The following GPM6A variants were observed in gnomAD, a reference collection of about 807,000 sequenced individuals.
The protein encoded by GPM6A is neuronal membrane glycoprotein M6-a.
In GPM6A, 7 loss-of-function variants were observed where a neutral mutation model predicts 32.1. The ratio of observed to expected loss-of-function variants is 0.22; its 90% CI spans 0.12 to 0.41. The LOEUF is 0.41. GPM6A is among the 10% of genes least tolerant of loss of function. GPM6A has a pLI of 1.00. For missense variants in GPM6A, 235 were observed against 347.2 expected (o/e 0.68, Z 2.57); for synonymous variants, 130 against 123.4 (o/e 1.05, Z -0.35).
At chr4:175,877,113 G>T (rs1278921350) in intron 1 of GPM6A, among the ~76,000 whole-genome samples, 2 of 152,172 alleles carry the variant, frequency 1.3e-5, no homozygotes, top group East Asian at 3.9e-4. Context: ...ATGTCCAGTG[G>T]TGAGGTTCAA....
chr4:175,706,101 C>A (rs542747334), intron 1 of GPM6A, among the ~76,000 whole-genome samples: 9 of 152,022 alleles, frequency 5.9e-5, no homozygotes, highest in Non-Finnish European at 1.3e-4. Context: ...TCAACACACC[C>A]TCTGAAACAT....
chr4:175,803,260 C>T (rs774422596), intron 1 of GPM6A, among the ~76,000 whole-genome samples: 6 of 151,726 alleles, frequency 4.0e-5, no homozygotes, highest in South Asian at 2.1e-4. Context: ...CATGAACAAA[C>T]GATAAAAACT....
intron 1 of GPM6A, among the ~76,000 whole-genome samples, chr4:175,998,226 T>C (rs1225230306): frequency 6.6e-6 from 1 of 152,110 alleles, no homozygotes; most frequent in Non-Finnish European, 1.5e-5. Context: ...TGATCTCGGC[T>C]CACTGCAACC....
chr4:175,637,251 T>A lies in GPM6A; in HGVS notation c.685-2194A>T, dbSNP rs1056095421. On this transcript the variant is annotated intron_variant, in intron 6 of 6. Transcript: ENST00000393658. Reference sequence around the variant, plus strand: ...TAAAATATATATTATATATTATATATAATATAAAATATATATTATATATTA... The same window carrying A: ...TAAAATATATATTATATATTATATAAAATATAAAATATATATTATATATTA... 1.0e-4 allele frequency among the ~76,000 whole-genome samples: 7 copies of A among 67,856 alleles called. 1 individual carries two copies. The highest frequency in any genetic ancestry group is 3.9e-4 in the African/African-American group (7 of 18,178). 44.5% of individuals were successfully genotyped at this position (67,856 alleles called of 152,430 possible).
intron 1 of GPM6A, chr4:175,872,784 T>A (rs1255733307): frequency 5.3e-5 from 8 of 152,182 alleles, no homozygotes; most frequent in African/African-American, 1.9e-4. Context: ...AATTAACATG[T>A]AGACAGATGG....
chr4:175,711,457 T>TACACACAC (rs763949633), intron 1 of GPM6A, among the ~76,000 whole-genome samples: 13 of 28,008 alleles, frequency 4.6e-4, no homozygotes, highest in African/African-American at 9.2e-4. Context: ...TATATATATA[T>TACACACAC]ACACACACAT....
intron 1 of GPM6A, among the ~76,000 whole-genome samples, chr4:175,751,647 G>A (rs1055890994): frequency 1.4e-4 from 21 of 152,052 alleles, no homozygotes; most frequent in African/African-American, 5.1e-4. Flanking sequence ...CAAACTATAT[G>A]ACAGATCATT....
intron 1 of GPM6A, among the ~76,000 whole-genome samples, chr4:175,850,400 G>A (rs1442041173): frequency 6.6e-6 from 1 of 152,144 alleles, no homozygotes; most frequent in African/African-American, 2.4e-5. Flanking sequence ...GTGGATGTGA[G>A]GGCAACGGGA....
At position 175,917,637 on chromosome 4, in the gene GPM6A, C is replaced by G. The variant is rs549099225; in HGVS notation, c.-23+84672G>C. Among the ~76,000 whole-genome samples the G allele has an allele frequency of 3.3e-5, 5 of 152,184 alleles. 1 individual carries two copies. The South Asian group carries it at 1.0e-3, about 32-fold the overall frequency. On this transcript the variant is annotated intron_variant, in intron 1 of 7. Transcript: ENST00000280187. ...TACTCTTCATTCATCCTCCTTGATA[C>G]AACATTCACCAAATGGGGAGGGGGT...
intron 1 of GPM6A, among the ~76,000 whole-genome samples, chr4:175,735,645 C>T (rs1424309922): frequency 4.6e-5 from 7 of 151,812 alleles, no homozygotes; most frequent in Non-Finnish European, 7.4e-5. Context: ...TTGCAACCTC[C>T]GACTCCAGGG....
intron 1 of GPM6A, among the ~76,000 whole-genome samples, chr4:175,977,143 C>T (rs1740687243): frequency 6.6e-6 from 1 of 152,112 alleles, no homozygotes; most frequent in Admixed American, 6.6e-5. Flanking sequence ...CTCCAAAAGA[C>T]AACATATCTG....
At chr4:175,738,528 C>G (rs531539828) in intron 1 of GPM6A, among the ~76,000 whole-genome samples, 1 of 151,982 alleles carries the variant, frequency 6.6e-6, no homozygotes, top group East Asian at 1.9e-4. Context: ...CTCAACTCAT[C>G]CATATACTTC....
chr4:175,836,877 C>A (rs1356643470), intron 1 of GPM6A, among the ~76,000 whole-genome samples: 4 of 152,246 alleles, frequency 2.6e-5, no homozygotes, highest in Non-Finnish European at 1.5e-5. Context: ...TTTAAAATGG[C>A]TTCACCAGGC....
chr4:175,649,018 T>G (rs757847588), intron 4 of GPM6A, among the ~76,000 whole-genome samples: 1 of 152,210 alleles, frequency 6.6e-6, no homozygotes, highest in Non-Finnish European at 1.5e-5. Context: ...CTCAAGATTA[T>G]AGTTGAAAAA....
At chr4:175,941,554 C>T (rs955449828) in intron 1 of GPM6A, among the ~76,000 whole-genome samples, 7 of 152,132 alleles carry the variant, frequency 4.6e-5, no homozygotes, top group East Asian at 1.9e-4. Flanking sequence ...CACCACCTCC[C>T]GCAACAGGCC....
intron 1 of GPM6A, among the ~76,000 whole-genome samples, chr4:175,975,873 G>A (rs1315571873): frequency 1.3e-5 from 2 of 152,032 alleles, no homozygotes; most frequent in Admixed American, 6.5e-5. Context: ...CTCTGTAAAA[G>A]GTGCTGAGGT....
At chr4:175,997,657 T>C (rs1405510960) in intron 1 of GPM6A, among the ~76,000 whole-genome samples, 2 of 152,096 alleles carry the variant, frequency 1.3e-5, no homozygotes, top group African/African-American at 4.8e-5. Flanking sequence ...CATAACTGTC[T>C]CGAGGGTGTC....
At chr4:175,636,411 A>T (rs1740614660) in intron 6 of GPM6A, among the ~76,000 whole-genome samples, 1 of 151,154 alleles carries the variant, frequency 6.6e-6, no homozygotes, top group South Asian at 2.1e-4. Flanking sequence ...CAGATACACA[A>T]AATATTTGCC....
At chr4:175,782,507 A>G (rs1025417711) in intron 1 of GPM6A, among the ~76,000 whole-genome samples, 2 of 152,272 alleles carry the variant, frequency 1.3e-5, no homozygotes, top group Non-Finnish European at 2.9e-5. Flanking sequence ...ATGTTTTTCA[A>G]AGATGGAAAT....
Sources: gnomAD v4.1 joint callset for allele counts (sites outside exome capture counted in the v4.1 genomes callset) on GRCh38, gnomAD v4.1.1 for gene constraint, MANE v1.5 for transcripts, NCBI Gene and HGNC (gene_info 2026-07-23, HGNC 2026-07-21) for gene names.